The following RBFOX2 variants were observed in gnomAD, a reference collection of about 807,000 sequenced individuals.
RBFOX2 encodes RNA binding fox-1 homolog 2.
In RBFOX2, 10 loss-of-function variants were observed where a neutral mutation model predicts 49.1. That is an observed-to-expected ratio of 0.20 (90% confidence interval 0.13 to 0.35). The LOEUF is 0.35. RBFOX2 is among the 10% of genes least tolerant of loss of function. The probability of loss-of-function intolerance (pLI) is 1.00; values close to 1 mark genes in which losing one functional copy is unlikely to be tolerated. For synonymous variants in RBFOX2, 183 were observed against 187.4 expected, an observed-to-expected ratio of 0.98 and a Z score of 0.19; for missense variants, 323 against 486.9, an observed-to-expected ratio of 0.66 and a Z score of 3.17.
intron 1 of RBFOX2, among the ~76,000 whole-genome samples, chr22:35,893,729 A>G (rs1194441122): frequency 6.6e-6 from 1 of 152,222 alleles, no homozygotes; most frequent in Non-Finnish European, 1.5e-5. Flanking sequence ...ACACACATAC[A>G]TATACATCTT....
intron 1 of RBFOX2, among the ~76,000 whole-genome samples, chr22:35,820,127 T>C (rs544919774): frequency 2.3e-3 from 350 of 152,210 alleles, no homozygotes; most frequent in Non-Finnish European, 4.4e-3. Context: ...GGGACGTTGA[T>C]AGAAATCCTG....
chr22:36,004,138 CATT>C (rs2058535806), intron 1 of RBFOX2, among the ~76,000 whole-genome samples: 1 of 152,166 alleles, frequency 6.6e-6, no homozygotes, highest in African/African-American at 2.4e-5. Context: ...ACTTATACAT[CATT>C]CTTTCCACTT....
In RBFOX2 at chr22:35,917,630, G is replaced by T. The variant is rs143840500; in HGVS notation, c.-34+21217C>A. ...GGGGCTCTCAAGGAATTATAATCACGTAGTCATGAAGATACTCACTGGACA... is the reference window on the plus strand; with the variant it reads ...GGGGCTCTCAAGGAATTATAATCACTTAGTCATGAAGATACTCACTGGACA... On this transcript the variant is annotated intron_variant, in intron 1 of 13. Transcript: ENST00000359369. Among the ~76,000 whole-genome samples, 6 of 152,198 alleles carry T rather than the reference G, an allele frequency of 3.9e-5. No individual in the cohort carries two copies. The East Asian group carries it at 1.2e-3, about 29-fold the overall frequency.
intron 2 of RBFOX2, among the ~76,000 whole-genome samples, chr22:35,784,479 G>T (rs557471975): frequency 2.6e-4 from 39 of 152,336 alleles, no homozygotes; most frequent in African/African-American, 9.4e-4. Flanking sequence ...GAGTGGTGCG[G>T]TATCAGACAG....
At chr22:36,013,436 T>C (rs1341422848) in intron 1 of RBFOX2, among the ~76,000 whole-genome samples, 2 of 152,212 alleles carry the variant, frequency 1.3e-5, no homozygotes, top group Non-Finnish European at 2.9e-5. Context: ...TATCGCTTTT[T>C]AATTCTTACA....
chr22:35,935,460 G>A lies in RBFOX2; in HGVS notation c.-34+3387C>T, dbSNP rs541134082. Among the ~76,000 whole-genome samples, 179 of 152,240 alleles carry A rather than the reference G, an allele frequency of 1.2e-3. 1 individual carries two copies. The highest frequency in any genetic ancestry group is 4.0e-3 in the African/African-American group (167 of 41,542). On this transcript the variant is annotated intron_variant, in intron 1 of 13. Transcript: ENST00000359369. The stretch of plus-strand genomic sequence containing the variant: ...CTTGCATAAACATGCAAGAGGTGGC[G>A]GGTGGTTTTCCCTGCTCCTTTCCTT...
chr22:35,901,927 C>T (rs1356522419), intron 1 of RBFOX2, among the ~76,000 whole-genome samples: 2 of 151,726 alleles, frequency 1.3e-5, no homozygotes, highest in African/African-American at 4.8e-5. Flanking sequence ...GCTGAAAATA[C>T]AAAAATTAGC....
chr22:35,897,960 A>G (rs917623607), intron 1 of RBFOX2: 11 of 773,604 alleles, frequency 1.4e-5, no homozygotes, highest in Non-Finnish European at 2.3e-5. Context: ...TTGCTTGGGG[A>G]ATCTTCACAA....
intron 2 of RBFOX2, among the ~76,000 whole-genome samples, chr22:35,786,802 C>G (rs1946497513): frequency 6.6e-6 from 1 of 152,216 alleles, no homozygotes; most frequent in Non-Finnish European, 1.5e-5. Flanking sequence ...CAAGGTCACA[C>G]AGTAAGCAGC....
chr22:35,812,917 AAC>A (rs1952205943), intron 1 of RBFOX2, among the ~76,000 whole-genome samples: 1 of 152,216 alleles, frequency 6.6e-6, no homozygotes. Context: ...TAACTGAATA[AAC>A]ACATCAATTA....
chr22:35,845,590 TG>T (rs2041082521), intron 1 of RBFOX2, among the ~76,000 whole-genome samples: 1 of 152,176 alleles, frequency 6.6e-6, no homozygotes, highest in Non-Finnish European at 1.5e-5. Context: ...TACATGTCTT[TG>T]GGTAACTTAT....
At chr22:35,862,297 G>A (rs549309718) in intron 1 of RBFOX2, among the ~76,000 whole-genome samples, 13 of 149,666 alleles carry the variant, frequency 8.7e-5, no homozygotes, top group Non-Finnish European at 1.6e-4. Context: ...TACCTCCATC[G>A]AGTTGTTAAA....
At chr22:36,003,184 A>G (rs548076816) in intron 1 of RBFOX2, among the ~76,000 whole-genome samples, 2 of 152,258 alleles carry the variant, frequency 1.3e-5, no homozygotes, top group East Asian at 3.9e-4. Context: ...TCACATCCTG[A>G]TATTAACTCA....
upstream of RBFOX2, among the ~76,000 whole-genome samples, chr22:35,962,420 T>C (rs1360262684): frequency 6.6e-6 from 1 of 152,190 alleles, no homozygotes; most frequent in Non-Finnish European, 1.5e-5. Context: ...TAAGAATTAC[T>C]GACAAAATTA....
At chr22:35,796,507 G>A (rs1286419006) in intron 2 of RBFOX2, among the ~76,000 whole-genome samples, 1 of 152,136 alleles carries the variant, frequency 6.6e-6, no homozygotes, top group Non-Finnish European at 1.5e-5. Context: ...AAAGGGAAAA[G>A]TATTTCAATA....
At chr22:35,855,602 C>T (rs2042419296) in intron 1 of RBFOX2, among the ~76,000 whole-genome samples, 1 of 152,060 alleles carries the variant, frequency 6.6e-6, no homozygotes, top group African/African-American at 2.4e-5. Context: ...AGACATGGAG[C>T]TTTGCCATGT....
intron 4 of RBFOX2, among the ~76,000 whole-genome samples, chr22:35,771,534 C>T (rs1942670524): frequency 6.6e-6 from 1 of 152,052 alleles, no homozygotes; most frequent in South Asian, 2.1e-4. Context: ...TTTAAGCCAC[C>T]CGACTTGTGG....
At chr22:35,886,098 C>T (rs1448681776) in intron 1 of RBFOX2, among the ~76,000 whole-genome samples, 1 of 151,814 alleles carries the variant, frequency 6.6e-6, no homozygotes, top group Non-Finnish European at 1.5e-5. Context: ...CCTCGTGATC[C>T]GCCCACCTCA....
intron 1 of RBFOX2, among the ~76,000 whole-genome samples, chr22:35,882,891 G>C (rs2046096191): frequency 1.3e-5 from 2 of 152,162 alleles, no homozygotes; most frequent in African/African-American, 4.8e-5. Flanking sequence ...GAGTATTAGG[G>C]CTGCTTTCTC....
Sources: gnomAD v4.1 joint callset for allele counts (sites outside exome capture counted in the v4.1 genomes callset) on GRCh38, gnomAD v4.1.1 for gene constraint, MANE v1.5 for transcripts, NCBI Gene and HGNC (gene_info 2026-07-23, HGNC 2026-07-21) for gene names.